CTNNA3: variants seen among roughly 807,000 people sequenced by gnomAD.
The protein encoded by CTNNA3 is catenin alpha 3.
CTNNA3 carries 76 observed loss-of-function variants against 95.7 expected under a neutral mutation model. The observed-to-expected ratio is 0.79, with a 90% CI of 0.66 to 0.96. The LOEUF (loss-of-function observed/expected upper bound fraction) is 0.96. Among genes scored for constraint, CTNNA3 ranks in the 40% least tolerant of loss-of-function variants. CTNNA3 has a pLI of 0.00. For synonymous variants in CTNNA3, 431 were observed against 374.4 expected (o/e 1.15, Z -1.74); for missense variants, 1,191 against 1,089.8 (o/e 1.09, Z -1.31).
intron 1 of CTNNA3, among the ~76,000 whole-genome samples, chr10:67,691,820 C>T (rs1840862979): frequency 6.8e-6 from 1 of 147,700 alleles, no homozygotes; most frequent in African/African-American, 2.5e-5. Flanking sequence ...GGCGCCTCTG[C>T]CCGGCCGCCC....
intron 5 of CTNNA3, among the ~76,000 whole-genome samples, chr10:67,287,458 A>G (rs912987744): frequency 6.6e-6 from 1 of 152,238 alleles, no homozygotes; most frequent in African/African-American, 2.4e-5. Context: ...ATATCTTTGC[A>G]TATAGTATGA....
At chr10:66,217,094 G>A (rs977154381) in intron 13 of CTNNA3, among the ~76,000 whole-genome samples, 9 of 152,044 alleles carry the variant, frequency 5.9e-5, no homozygotes, top group Non-Finnish European at 1.5e-5. Flanking sequence ...GTTGGCTCAC[G>A]CCTGTAATCC....
intron 12 of CTNNA3, among the ~76,000 whole-genome samples, chr10:66,292,023 T>A (rs2091690537): frequency 6.6e-6 from 1 of 151,510 alleles, no homozygotes; most frequent in Non-Finnish European, 1.5e-5. Flanking sequence ...TATATACACA[T>A]ACACACATGT....
chr10:66,175,418 T>C (rs2085656910), intron 13 of CTNNA3, among the ~76,000 whole-genome samples: 1 of 152,184 alleles, frequency 6.6e-6, no homozygotes, highest in African/African-American at 2.4e-5. Context: ...TAGAGTCGAG[T>C]CAACACCAGT....
chr10:66,633,842 A>G (rs1845242135), intron 9 of CTNNA3, among the ~76,000 whole-genome samples: 1 of 152,084 alleles, frequency 6.6e-6, no homozygotes, highest in Admixed American at 6.6e-5. Flanking sequence ...TATCGACTGA[A>G]GTTTTTCCAA....
chr10:66,769,542 G>A (rs1349749952), intron 8 of CTNNA3, among the ~76,000 whole-genome samples: 2 of 152,152 alleles, frequency 1.3e-5, no homozygotes, highest in Non-Finnish European at 2.9e-5. Flanking sequence ...CTTTTGCTGG[G>A]GGGAACAGTT....
intron 6 of CTNNA3, among the ~76,000 whole-genome samples, chr10:67,214,718 T>C (rs1011848805): frequency 6.6e-6 from 1 of 152,008 alleles, no homozygotes; most frequent in Non-Finnish European, 1.5e-5. Context: ...CTGTATCATG[T>C]ATTGAACTCA....
At chr10:67,361,590 A>G (rs1355072723) in intron 5 of CTNNA3, among the ~76,000 whole-genome samples, 1 of 152,206 alleles carries the variant, frequency 6.6e-6, no homozygotes, top group Admixed American at 6.5e-5. Context: ...ACAGAGATAC[A>G]ACATACCAAA....
At chr10:66,384,181 T>C (rs566610472) in intron 11 of CTNNA3, among the ~76,000 whole-genome samples, 1 of 152,192 alleles carries the variant, frequency 6.6e-6, no homozygotes, top group Non-Finnish European at 1.5e-5. Context: ...AACCCGTAAG[T>C]GTGCTGTATT....
At chr10:66,655,472 A>G (rs531652930) in intron 9 of CTNNA3, among the ~76,000 whole-genome samples, 1 of 152,204 alleles carries the variant, frequency 6.6e-6, no homozygotes, top group East Asian at 1.9e-4. Flanking sequence ...TTAAAATACA[A>G]CAAGGTATCT....
rs371229281 is a variant in CTNNA3 at position 67,305,059 on chromosome 10, G to A, written c.580-85189C>T. On this transcript the variant is annotated intron_variant, in intron 5 of 17. Coordinates refer to ENST00000433211, the MANE Select transcript of CTNNA3 (RefSeq NM_013266.4). The stretch of plus-strand genomic sequence containing the variant: ...TGGGAGGCCGAGGTGGGCGGATCAC[G>A]AAGTCAGGAGATCAAGACCATCCTT... Among the ~76,000 whole-genome samples, 18 of 152,148 alleles carry A rather than the reference G, an allele frequency of 1.2e-4. No individual in the cohort carries two copies. The South Asian group carries it at 2.9e-3, about 25-fold the overall frequency.
chr10:66,834,420 A>T (rs1236061164), intron 7 of CTNNA3, among the ~76,000 whole-genome samples: 3 of 152,352 alleles, frequency 2.0e-5, no homozygotes, highest in South Asian at 4.1e-4. Context: ...ACTTTCATAG[A>T]TATCATTGTG....
At chr10:66,463,532 C>T (rs2093543542) in intron 11 of CTNNA3, among the ~76,000 whole-genome samples, 1 of 152,040 alleles carries the variant, frequency 6.6e-6, no homozygotes, top group African/African-American at 2.4e-5. Context: ...AGAAACTTCC[C>T]AAATAGATCA....
At chr10:66,846,971 A>C (rs1169489126) in intron 7 of CTNNA3, among the ~76,000 whole-genome samples, 2 of 152,204 alleles carry the variant, frequency 1.3e-5, no homozygotes, top group Non-Finnish European at 2.9e-5. Context: ...ATTCACAAAC[A>C]ACAGATTCTT....
chr10:66,439,290 T>G (rs4642967), intron 11 of CTNNA3, among the ~76,000 whole-genome samples: 58,031 of 151,962 alleles, frequency 0.38, 11,635 homozygotes, highest in African/African-American at 0.5. Context: ...ATTATAAATT[T>G]ATATTTTCTA....
chr10:66,589,812 G>A (rs919054828), intron 10 of CTNNA3, among the ~76,000 whole-genome samples: 8 of 152,066 alleles, frequency 5.3e-5, no homozygotes, highest in African/African-American at 1.7e-4. Flanking sequence ...GTGTTAATCA[G>A]ATAAAAGGAA....
chr10:66,375,396 C>T (rs112098983), intron 12 of CTNNA3, among the ~76,000 whole-genome samples: 2 of 152,188 alleles, frequency 1.3e-5, no homozygotes, highest in African/African-American at 2.4e-5. Context: ...GAGGACACCA[C>T]TAAGCTCCAG....
At chr10:66,153,214 TTTA>T (rs536187852) in intron 13 of CTNNA3, among the ~76,000 whole-genome samples, 28 of 151,988 alleles carry the variant, frequency 1.8e-4, no homozygotes, top group Non-Finnish European at 3.4e-4. Flanking sequence ...TTCCTATTTA[TTTA>T]TTAAGTTTAT....
chr10:65,961,021 C>T (rs1283279050), intron 17 of CTNNA3, among the ~76,000 whole-genome samples: 1 of 152,080 alleles, frequency 6.6e-6, no homozygotes, highest in Non-Finnish European at 1.5e-5. Context: ...CACATTCTCT[C>T]ATTTGCTTGA....
Sources: gnomAD v4.1 joint callset for allele counts (sites outside exome capture counted in the v4.1 genomes callset) on GRCh38, gnomAD v4.1.1 for gene constraint, MANE v1.5 for transcripts, NCBI Gene and HGNC (gene_info 2026-07-23, HGNC 2026-07-21) for gene names.